PLCB4: variants seen among roughly 807,000 people sequenced by gnomAD.
PLCB4 encodes 1-phosphatidylinositol 4,5-bisphosphate phosphodiesterase beta-4.
A neutral mutation model predicts 178.8 loss-of-function variants in PLCB4; 77 were observed. The observed-to-expected ratio is 0.43, with a 90% CI of 0.36 to 0.52. The LOEUF (loss-of-function observed/expected upper bound fraction) is 0.52. PLCB4 is among the 20% of genes least tolerant of loss of function. The pLI is 0.00. For missense variants in PLCB4, 1,024 were observed against 1,453.4 expected, an observed-to-expected ratio of 0.70 and a Z score of 4.80; for synonymous variants, 496 against 490.8, an observed-to-expected ratio of 1.01 and a Z score of -0.14.
intron 2 of PLCB4, among the ~76,000 whole-genome samples, chr20:9,127,883 T>C (rs1315396439): frequency 3.3e-5 from 5 of 152,056 alleles, no homozygotes; most frequent in Non-Finnish European, 5.9e-5. Context: ...GACGGGGTTT[T>C]ATCATGTTGG....
chr20:9,100,783 A>G (rs1021168830), intron 2 of PLCB4, among the ~76,000 whole-genome samples: 2 of 151,994 alleles, frequency 1.3e-5, no homozygotes, highest in Admixed American at 1.3e-4. Flanking sequence ...AGACTCACAT[A>G]TTGTTTCACG....
Position 9,401,607 on chromosome 20 carries a change from T to C in PLCB4, c.1611+17T>C. 6.6e-7 allele frequency: 1 copy of C among 1,514,928 alleles called. No individual in the cohort carries two copies. Among genetic ancestry groups the C allele is most frequent in the Non-Finnish European group, 9.2e-7 (1 of 1,090,258 alleles). The allele number at this position is 1,514,928 out of a possible 1,614,324, so 93.8% of individuals were successfully genotyped here. On this transcript the variant is annotated intron_variant, in intron 20 of 39. Coordinates refer to ENST00000378473, the MANE Select transcript of PLCB4 (RefSeq NM_001377142.1). Reference sequence around the variant, plus strand: ...GTCAAGAAGGTCAGAGTCCCCTTTCTTTCATCACTCTCAAGAGGTAGCAGC... The same window carrying C: ...GTCAAGAAGGTCAGAGTCCCCTTTCCTTCATCACTCTCAAGAGGTAGCAGC...
At chr20:9,451,070 A>G (rs1357740683) in intron 32 of PLCB4, among the ~76,000 whole-genome samples, 1 of 152,100 alleles carries the variant, frequency 6.6e-6, no homozygotes, top group African/African-American at 2.4e-5. Flanking sequence ...CTATTTTCCT[A>G]TGCTGACTTT....
At chr20:9,347,545 C>G (rs964207005) in intron 7 of PLCB4, among the ~76,000 whole-genome samples, 4 of 152,186 alleles carry the variant, frequency 2.6e-5, no homozygotes, top group Non-Finnish European at 5.9e-5. Flanking sequence ...CTTCATTCAG[C>G]TATTCATCCA....
At chr20:9,298,986 C>T (rs919919092) in intron 3 of PLCB4, among the ~76,000 whole-genome samples, 5 of 152,036 alleles carry the variant, frequency 3.3e-5, no homozygotes, top group Non-Finnish European at 7.4e-5. Flanking sequence ...CCAGTACCAT[C>T]ACAATCAGTT....
intron 2 of PLCB4, among the ~76,000 whole-genome samples, chr20:9,161,062 AT>A (rs910789655): frequency 1.3e-5 from 2 of 152,188 alleles, no homozygotes; most frequent in African/African-American, 4.8e-5. Context: ...TGACAGATAA[AT>A]ATAAATTATT....
At chr20:9,290,388 A>T (rs1018821794) in intron 3 of PLCB4, among the ~76,000 whole-genome samples, 2 of 152,146 alleles carry the variant, frequency 1.3e-5, no homozygotes, top group Non-Finnish European at 2.9e-5. Flanking sequence ...ATGAAACACC[A>T]TGTGAACTCT....
At chr20:9,115,715 G>A (rs888378074) in intron 2 of PLCB4, among the ~76,000 whole-genome samples, 1 of 151,448 alleles carries the variant, frequency 6.6e-6, no homozygotes. Flanking sequence ...TAAATTTAGT[G>A]TAATTAATAT....
At chr20:9,448,045 A>T (rs930591582) in intron 32 of PLCB4, among the ~76,000 whole-genome samples, 3 of 152,206 alleles carry the variant, frequency 2.0e-5, no homozygotes, top group Non-Finnish European at 4.4e-5. Flanking sequence ...GAATATAGGA[A>T]ATACAGAAAT....
intron 3 of PLCB4, among the ~76,000 whole-genome samples, chr20:9,274,468 G>C (rs562741030): frequency 1.3e-5 from 2 of 152,066 alleles, no homozygotes; most frequent in South Asian, 4.1e-4. Context: ...TATTAAGACT[G>C]AATCTGACTT....
chr20:9,178,403 A>C (rs1200239278), intron 2 of PLCB4, among the ~76,000 whole-genome samples: 1 of 152,112 alleles, frequency 6.6e-6, no homozygotes, highest in Non-Finnish European at 1.5e-5. Flanking sequence ...AAAGGAGTTC[A>C]GAGATTGAAA....
In PLCB4 at chr20:9,307,780, C is replaced by G. The variant is rs755757167; in HGVS notation, c.-15-20C>G. 2 of 1,146,956 alleles carry G rather than the reference C, an allele frequency of 1.7e-6. No homozygotes were observed. The highest frequency in any genetic ancestry group is 1.3e-5 in the South Asian group (1 of 74,122). The allele number at this position is 1,146,956 out of a possible 1,614,324, so 71.0% of individuals were successfully genotyped here. ...TTTTTTCATTTTATATACTAACGAG[C>G]TATTCTTTTTCATTTTTAGGTCTTG... is the stretch of plus-strand genomic sequence containing the variant. On this transcript the variant is annotated intron_variant, in intron 3 of 39. Transcript: ENST00000378473.
chr20:9,451,807 T>G (rs1056262942), intron 32 of PLCB4, among the ~76,000 whole-genome samples: 1 of 152,190 alleles, frequency 6.6e-6, no homozygotes, highest in African/African-American at 2.4e-5. Flanking sequence ...AACAACCCTA[T>G]GAAGTAAATG....
At chr20:9,279,646 A>G (rs1003377958) in intron 3 of PLCB4, among the ~76,000 whole-genome samples, 1 of 152,076 alleles carries the variant, frequency 6.6e-6, no homozygotes, top group Admixed American at 6.5e-5. Context: ...CATCATTTTA[A>G]TCTTCCTTGA....
At chr20:9,075,225 G>T (rs971196608) in intron 1 of PLCB4, among the ~76,000 whole-genome samples, 1 of 151,996 alleles carries the variant, frequency 6.6e-6, no homozygotes, top group African/African-American at 2.4e-5. Context: ...TCTAACCACC[G>T]TACTGTGTAT....
At chr20:9,313,553 G>A (rs888750532) in intron 4 of PLCB4, among the ~76,000 whole-genome samples, 6 of 152,180 alleles carry the variant, frequency 3.9e-5, no homozygotes, top group African/African-American at 1.4e-4. Context: ...TGCGTTAAGT[G>A]GAGTTAAATT....
rs565373976 is a variant in PLCB4, at chr20:9,178,939, C to T, written c.-78-38451C>T. Among the ~76,000 whole-genome samples, 93 of 152,144 alleles carry T rather than the reference C, an allele frequency of 6.1e-4. 1 individual carries two copies. The highest frequency in any genetic ancestry group is 1.2e-3 in the Non-Finnish European group (82 of 67,998). ...AATTTTGGTGTTTACATTCTAGATA[C>T]ATTTAGGTATATCTAACAGCTATTA... On this transcript the variant is annotated intron_variant, in intron 2 of 39. Transcript: ENST00000378473.
intron 4 of PLCB4, among the ~76,000 whole-genome samples, chr20:9,316,177 G>A (rs1052051723): frequency 6.6e-5 from 10 of 152,240 alleles, no homozygotes; most frequent in Admixed American, 2.0e-4. Flanking sequence ...CCCCAAGCCA[G>A]CATCATCAGC....
chr20:9,157,527 T>C (rs978041048), intron 2 of PLCB4, among the ~76,000 whole-genome samples: 9 of 152,148 alleles, frequency 5.9e-5, no homozygotes, highest in African/African-American at 2.2e-4. Context: ...AAGGAAACTA[T>C]AGTGTGGAAT....
Sources: gnomAD v4.1 joint callset for allele counts (sites outside exome capture counted in the v4.1 genomes callset) on GRCh38, gnomAD v4.1.1 for gene constraint, MANE v1.5 for transcripts, NCBI Gene and HGNC (gene_info 2026-07-23, HGNC 2026-07-21) for gene names.